RASGRP4: variants seen among roughly 807,000 people sequenced by gnomAD.
The protein encoded by RASGRP4 is RAS guanyl releasing protein 4, also known as RAS guanyl-releasing protein 4.
RASGRP4 carries 52 observed loss-of-function variants against 84.4 expected under a neutral mutation model. That is an observed-to-expected ratio of 0.62 (90% CI 0.49 to 0.78). The LOEUF (loss-of-function observed/expected upper bound fraction) is 0.78. Ranked by LOEUF, RASGRP4 falls within the 30% of genes least tolerant of loss-of-function variation. RASGRP4 has a pLI of 0.00. For synonymous variants in RASGRP4, 356 were observed against 359.1 expected (o/e 0.99, Z 0.10); for missense variants, 760 against 886.9 (o/e 0.86, Z 1.82).
In RASGRP4 at chr19:38,418,472, G is replaced by A. The variant is rs375815654; in HGVS notation, c.756C>T (p.Arg252=). The change falls in exon 7 of 17, where the codon CGC becomes CGT. Residue 252 remains arginine, a synonymous_variant. Coordinates refer to ENST00000615439, the MANE Select transcript of RASGRP4 (RefSeq NM_170604.3). The surrounding 1 kb of genome is among the most constrained non-coding windows in gnomAD (Gnocchi z 4.6). ...GGCTCAGCACCATCACCTGCACCCAGCGGGACACGCTGTTGCTGAGACCTA... is the reference window on the plus strand; with the variant it reads ...GGCTCAGCACCATCACCTGCACCCAACGGGACACGCTGTTGCTGAGACCTA... The part of the protein sequence containing the change: ...GSVGLSNSVS[R]WVQVMVLSRP... 34 of 1,589,034 alleles carry A rather than the reference G, an allele frequency of 2.1e-5. No individual in the cohort carries two copies. The African/African-American group carries it at 3.9e-4, about 18-fold the overall frequency.
In RASGRP4 at chr19:38,417,932, T is replaced by G. The variant is rs1222870044; in HGVS notation, c.837+459A>C. Among the ~76,000 whole-genome samples, 1 of 145,190 alleles carries G rather than the reference T, an allele frequency of 6.9e-6. No homozygotes were observed. Among genetic ancestry groups the G allele is most frequent in the African/African-American group, 2.6e-5 (1 of 38,420 alleles). ...TTTTCCCCAGAAGGGCGAGAAGGTG[T>G]CCGGAAAGGAGGGGGAAGGGAGGGG... is the stretch of plus-strand genomic sequence containing the variant. On this transcript the variant is annotated intron_variant, in intron 7 of 16. Transcript: ENST00000615439. The surrounding 1 kb of genome is among the most constrained non-coding windows in gnomAD (Gnocchi z 5.1).
Position 38,412,669 on chromosome 19 carries a change from C to T in RASGRP4, c.1680+3G>A, listed in dbSNP as rs1971311232. 1 of 1,611,894 alleles carries T rather than the reference C, an allele frequency of 6.2e-7. No homozygotes were observed. Among genetic ancestry groups the T allele is most frequent in the Non-Finnish European group, 8.5e-7 (1 of 1,179,014 alleles). Reference sequence around the variant, plus strand: ...AAGGGTGGTGATGGGGTGGGGTGCTCACGAAGCCACTGCAGCTGTCGCAGA... The same window carrying T: ...AAGGGTGGTGATGGGGTGGGGTGCTTACGAAGCCACTGCAGCTGTCGCAGA... On this transcript the variant is annotated splice_donor_region_variant and intron_variant, in intron 13 of 16. Transcript: ENST00000615439. This position sits in a 1 kb window ranked among gnomAD's most constrained non-coding sequence, Gnocchi z 4.6.
chr19:38,409,944 T>C lies in RASGRP4; in HGVS notation c.*96A>G. 1 of 935,866 alleles carries C rather than the reference T, an allele frequency of 1.1e-6. No individual in the cohort carries two copies. The allele number at this position is 935,866 out of a possible 1,614,324, so 58.0% of individuals were successfully genotyped here. On this transcript the variant is annotated 3_prime_UTR_variant, in exon 17 of 17. Coordinates refer to ENST00000615439, the MANE Select transcript of RASGRP4 (RefSeq NM_170604.3). Reference sequence around the variant, plus strand: ...GTGTGGATGGGAAGGCGGATGCCTCTGGAGGCCTACCTCTGGGAGCCCTGC... The same window carrying C: ...GTGTGGATGGGAAGGCGGATGCCTCCGGAGGCCTACCTCTGGGAGCCCTGC...
chr19:38,410,299 G>T (rs1971176321), intron 16 of RASGRP4, among the ~76,000 whole-genome samples: 2 of 152,078 alleles, frequency 1.3e-5, no homozygotes, highest in Admixed American at 1.3e-4. Flanking sequence ...CCGTACAGTA[G>T]CTCCTGATAT....
chr19:38,416,216 C>A (rs1476370459), intron 8 of RASGRP4, among the ~76,000 whole-genome samples: 1 of 151,826 alleles, frequency 6.6e-6, no homozygotes, highest in Admixed American at 6.6e-5. Context: ...GTAATCCCAG[C>A]ACTTTTGGAG....
Position 38,415,019 on chromosome 19 carries a change from C to T in RASGRP4, c.1059G>A (p.Val353=), listed in dbSNP as rs1017546199. 1.2e-6 allele frequency: 2 copies of T among 1,611,612 alleles called. No individual in the cohort carries two copies. Among genetic ancestry groups the T allele is most frequent in the African/African-American group, 2.7e-5 (2 of 75,032 alleles). ...GCAGGGACACCAGGTCCTTGAGGTG[C>T]ACGCCCAGTACAGGCAGCCGGAAAC... is the stretch of plus-strand genomic sequence containing the variant. The part of the protein sequence containing the change: ...CAGFRLPVLG[V]HLKDLVSLHE... Residue 353 remains valine (V), a synonymous_variant, in exon 9 of 17, where the codon GTG becomes GTA. Transcript: ENST00000615439.
intron 8 of RASGRP4, among the ~76,000 whole-genome samples, chr19:38,416,000 A>G (rs537113702): frequency 1.3e-5 from 2 of 151,118 alleles, no homozygotes; most frequent in Non-Finnish European, 3.0e-5. Flanking sequence ...TGGAGGCTTC[A>G]GTGAGCCAAG....
In RASGRP4 at chr19:38,417,906, C is replaced by G. The variant is rs1480925518; in HGVS notation, c.837+485G>C. 6.6e-6 allele frequency among the ~76,000 whole-genome samples: 1 copy of G among 151,412 alleles called. No homozygotes were observed. The highest frequency in any genetic ancestry group is 6.6e-5 in the Admixed American group (1 of 15,180). Reference sequence around the variant, plus strand: ...GCCACAGCGGGGCCGTAGGGCTTCCCTTTTCCCCAGAAGGGCGAGAAGGTG... The same window carrying G: ...GCCACAGCGGGGCCGTAGGGCTTCCGTTTTCCCCAGAAGGGCGAGAAGGTG... On this transcript the variant is annotated intron_variant, in intron 7 of 16. Transcript: ENST00000615439. The surrounding 1 kb of genome is among the most constrained non-coding windows in gnomAD (Gnocchi z 5.1).
At chr19:38,422,601 C>T (rs1971808859) in intron 1 of RASGRP4, among the ~76,000 whole-genome samples, 1 of 148,174 alleles carries the variant, frequency 6.7e-6, no homozygotes, top group Non-Finnish European at 1.5e-5. Flanking sequence ...AGGCTGCGTG[C>T]TGTTTATGAT....
rs377433325 is a variant in RASGRP4, at chr19:38,413,216, G to C, written c.1393C>G (p.Arg465Gly). 7 of 1,613,362 alleles carry C rather than the reference G, an allele frequency of 4.3e-6. No homozygotes were observed. Among genetic ancestry groups the C allele is most frequent in the Non-Finnish European group, 5.9e-6 (7 of 1,179,822 alleles). The change falls in exon 11 of 17, where the codon CGG (arginine) becomes GGG (glycine). Residue 465 changes from arginine to glycine, a missense_variant. Arg to Gly is a moderately radical substitution (Grantham distance 125). Coordinates refer to ENST00000615439, the MANE Select transcript of RASGRP4 (RefSeq NM_170604.3). This position sits in a 1 kb window ranked among gnomAD's most constrained non-coding sequence, Gnocchi z 4.7. ...TPKPDRVTLG[R>G]HVEQLVESVF... The stretch of plus-strand genomic sequence containing the variant: ...ACCTCCACCAGCTGCTCCACATGCC[G>C]ACCCAGTGTGACCCTGTCCGGCTTG...
Position 38,418,373 on chromosome 19 carries a change from C to T in RASGRP4, c.837+18G>A, listed in dbSNP as rs59776537. 738 of 1,597,824 alleles carry T rather than the reference C, an allele frequency of 4.6e-4. 2 individuals are homozygous for T. The African/African-American group carries it at 7.8e-3, about 17-fold the overall frequency. ...GCTGCGTGCAGTGGAGTTCGCAGCC[C>T]CAAGGGGCGGGCCTCACCTGTGCCA... is the stretch of plus-strand genomic sequence containing the variant. On this transcript the variant is annotated intron_variant, in intron 7 of 16. Transcript: ENST00000615439. This position sits in a 1 kb window ranked among gnomAD's most constrained non-coding sequence, Gnocchi z 4.6.
At chr19:38,422,818 C>T (rs1255035727) in intron 1 of RASGRP4, among the ~76,000 whole-genome samples, 3 of 152,030 alleles carry the variant, frequency 2.0e-5, no homozygotes, top group South Asian at 2.1e-4. Context: ...GCACAGGATA[C>T]ATGTAATTAA....
chr19:38,410,865 G>A (rs746314763), intron 16 of RASGRP4, 21 bp downstream of exon 16: 4 of 1,532,250 alleles, frequency 2.6e-6, no homozygotes, highest in Non-Finnish European at 3.6e-6. Context: ...CCACTTGGGG[G>A]TAGGGGCGGT....
At chr19:38,420,416 G>A (rs1386848492) in intron 4 of RASGRP4, among the ~76,000 whole-genome samples, 154 bp from the exon 5 acceptor site, 1 of 151,532 alleles carries the variant, frequency 6.6e-6, no homozygotes, top group African/African-American at 2.4e-5. Flanking sequence ...GGGGCACCAG[G>A]CTTGGAGAAT....
In RASGRP4 at chr19:38,413,645, C is replaced by T. The variant is rs1971373946; in HGVS notation, c.1231-171G>A. 6.6e-6 allele frequency among the ~76,000 whole-genome samples: 1 copy of T among 152,124 alleles called. No individual in the cohort carries two copies. The highest frequency in any genetic ancestry group is 1.5e-5 in the Non-Finnish European group (1 of 68,024). Reference sequence around the variant, plus strand: ...CTCTGGGCCTCAGTTTCCCAATCTACAGAATGGGCACAGTAAGGGTCCCGA... The same window carrying T: ...CTCTGGGCCTCAGTTTCCCAATCTATAGAATGGGCACAGTAAGGGTCCCGA... On this transcript the variant is annotated intron_variant, in intron 9 of 16. Coordinates refer to ENST00000615439, the MANE Select transcript of RASGRP4 (RefSeq NM_170604.3). The surrounding 1 kb of genome is among the most constrained non-coding windows in gnomAD (Gnocchi z 4.7).
rs1600566123 is a variant in RASGRP4 at position 38,418,266 on chromosome 19, G to A, written c.837+125C>T. The A allele has an allele frequency of 1.0e-6, 1 of 991,434 alleles. No homozygotes were observed. The highest frequency in any genetic ancestry group is 1.5e-6 in the Non-Finnish European group (1 of 666,934). The allele number at this position is 991,434 out of a possible 1,614,324, so 61.4% of individuals were successfully genotyped here. A position where few individuals can be genotyped will look rare whatever the true frequency, so the allele number is the denominator to read the frequency against. On this transcript the variant is annotated intron_variant, in intron 7 of 16. Transcript: ENST00000615439. This position sits in a 1 kb window ranked among gnomAD's most constrained non-coding sequence, Gnocchi z 4.6. Reference sequence around the variant, plus strand: ...GTTGGAATGCCCAGGCTGTGGCCTCGGGGGCGGGGCCGGGAGATGCGTGAC... The same window carrying A: ...GTTGGAATGCCCAGGCTGTGGCCTCAGGGGCGGGGCCGGGAGATGCGTGAC...
At chr19:38,425,665 T>C (rs183522572) in intron 1 of RASGRP4, among the ~76,000 whole-genome samples, 2 of 151,078 alleles carry the variant, frequency 1.3e-5, no homozygotes, top group African/African-American at 4.9e-5. Flanking sequence ...CAGCCAGGAG[T>C]GGTTTAAGAG....
At chr19:38,410,395 T>C (rs960073217) in intron 16 of RASGRP4, among the ~76,000 whole-genome samples, 4 of 151,718 alleles carry the variant, frequency 2.6e-5, no homozygotes, top group African/African-American at 9.7e-5. Flanking sequence ...ACCCCCAACA[T>C]GTTGAAACTT....
intron 1 of RASGRP4, among the ~76,000 whole-genome samples, chr19:38,425,349 A>G (rs1971947492): frequency 1.3e-5 from 2 of 152,140 alleles, no homozygotes; most frequent in Non-Finnish European, 1.5e-5. Context: ...AGAGGATATG[A>G]TTGTTCTACT....
Sources: gnomAD v4.1 joint callset for allele counts (sites outside exome capture counted in the v4.1 genomes callset) on GRCh38, gnomAD v4.1.1 for gene constraint, Gnocchi (gnomAD v3.1) non-coding constraint, MANE v1.5 for transcripts, NCBI Gene and HGNC (gene_info 2026-07-23, HGNC 2026-07-21) for gene names.